ERCC6L2: variants seen among roughly 807,000 people sequenced by gnomAD.
ERCC6L2 encodes ERCC excision repair 6 like 2, also known as DNA excision repair protein ERCC-6-like 2.
A neutral mutation model predicts 132.0 loss-of-function variants in ERCC6L2; 77 were observed. The observed-to-expected ratio is 0.58, with a 90% CI of 0.49 to 0.71. The LOEUF (loss-of-function observed/expected upper bound fraction) is 0.71, where lower values mean the gene tolerates loss of function less well. Ranked by LOEUF, ERCC6L2 falls within the 30% of genes least tolerant of loss-of-function variation. ERCC6L2 has a pLI of 0.00. For missense variants in ERCC6L2, 1,542 were observed against 1,837.6 expected, an observed-to-expected ratio of 0.84 and a Z score of 2.94; for synonymous variants, 583 against 632.4, an observed-to-expected ratio of 0.92 and a Z score of 1.17.
chr9:95,950,687 T>C (rs2132946121), intron 12 of ERCC6L2, among the ~76,000 whole-genome samples: 1 of 152,294 alleles, frequency 6.6e-6, no homozygotes, highest in Non-Finnish European at 1.5e-5. Context: ...AGAACAGGAA[T>C]GGTTGTATTA....
intron 12 of ERCC6L2, among the ~76,000 whole-genome samples, chr9:95,949,581 T>C (rs113038427): frequency 1.3e-5 from 2 of 152,052 alleles, no homozygotes; most frequent in African/African-American, 4.8e-5. Flanking sequence ...ACAAACAAAC[T>C]GTCAACTGAG....
intron 1 of ERCC6L2, among the ~76,000 whole-genome samples, chr9:95,877,915 T>C (rs1480113296): frequency 1.3e-5 from 2 of 152,208 alleles, no homozygotes; most frequent in African/African-American, 4.8e-5. Flanking sequence ...GTACAAACTT[T>C]TCTTGGAAAG....
chr9:96,030,072 A>T (rs1384629532), intron 19 of ERCC6L2, among the ~76,000 whole-genome samples: 1 of 152,196 alleles, frequency 6.6e-6, no homozygotes, highest in East Asian at 1.9e-4. Flanking sequence ...TTTCTGTCTT[A>T]CAAGAGGATT....
At chr9:95,904,445 C>T (rs1424725354) in intron 3 of ERCC6L2, among the ~76,000 whole-genome samples, 1 of 152,044 alleles carries the variant, frequency 6.6e-6, no homozygotes, top group African/African-American at 2.4e-5. Context: ...AGGACGTAGA[C>T]TTTTTGATTG....
At chr9:95,904,052 T>A (rs189314964) in intron 3 of ERCC6L2, among the ~76,000 whole-genome samples, 35 of 152,168 alleles carry the variant, frequency 2.3e-4, no homozygotes, top group Admixed American at 1.8e-3. Context: ...AACTGCAGCA[T>A]ACTGAAGGAG....
Position 95,913,392 on chromosome 9 carries a change from G to C in ERCC6L2, c.789-2276G>C, listed in dbSNP as rs180722056. On this transcript the variant is annotated intron_variant, in intron 4 of 18. Coordinates refer to ENST00000653738, the MANE Select transcript of ERCC6L2 (RefSeq NM_020207.7). ...GACTAATTTTTGGAGTAAGAAGTTAGCATAATGGTCATCTACAATGGTGGC... is the reference window on the plus strand; with the variant it reads ...GACTAATTTTTGGAGTAAGAAGTTACCATAATGGTCATCTACAATGGTGGC... Among the ~76,000 whole-genome samples the C allele has an allele frequency of 4.6e-5, 7 of 152,208 alleles. No individual in the cohort carries two copies. In the East Asian group the frequency reaches 1.4e-3, roughly 29 times the overall value.
At chr9:96,009,174 G>A (rs1833951247) in intron 18 of ERCC6L2, among the ~76,000 whole-genome samples, 1 of 152,230 alleles carries the variant, frequency 6.6e-6, no homozygotes, top group Non-Finnish European at 1.5e-5. Context: ...ATGCTGTACA[G>A]CATGCTGCAT....
chr9:95,962,284 T>TATA (rs1329944816), intron 13 of ERCC6L2, among the ~76,000 whole-genome samples: 109 of 152,212 alleles, frequency 7.2e-4, no homozygotes, highest in African/African-American at 2.6e-3. Flanking sequence ...CTGTTCATTG[T>TATA]TGGTTGGGGC....
intron 17 of ERCC6L2, among the ~76,000 whole-genome samples, chr9:95,987,664 A>C (rs1353255370): frequency 6.6e-6 from 1 of 152,048 alleles, no homozygotes; most frequent in East Asian, 1.9e-4. Context: ...TGGCTTTTCC[A>C]GGTGCACAAT....
chr9:95,885,757 T>G (rs1827830542), intron 2 of ERCC6L2, among the ~76,000 whole-genome samples: 1 of 152,132 alleles, frequency 6.6e-6, no homozygotes, highest in Admixed American at 6.5e-5. Flanking sequence ...AGCATTAGTG[T>G]CACCTGGGAA....
At chr9:96,024,503 G>A (rs1271311087) in intron 19 of ERCC6L2, among the ~76,000 whole-genome samples, 2 of 152,176 alleles carry the variant, frequency 1.3e-5, no homozygotes, top group Non-Finnish European at 2.9e-5. Context: ...TGCTGTCCTC[G>A]GACCTCTCCA....
At chr9:95,953,158 A>G (rs78969247) in intron 12 of ERCC6L2, among the ~76,000 whole-genome samples, 19,754 of 152,208 alleles carry the variant, frequency 0.13, 1,353 homozygotes, top group South Asian at 0.24. Flanking sequence ...ATAGTTGCAT[A>G]ACAGTGTGGA....
rs1174395258 is a variant in ERCC6L2, at chr9:96,035,546, G to A, written c.*1504-3330G>A. ...AGAGTGGGGCAACCTGCCAGACAGA[G>A]AGGAGCTACCCTCTCCAGGGACTCC... On this transcript the variant is annotated intron_variant and NMD_transcript_variant, in intron 19 of 20. Transcript: ENST00000670016. Among the ~76,000 whole-genome samples, 4 of 152,146 alleles carry A rather than the reference G, an allele frequency of 2.6e-5. No homozygotes were observed. In the East Asian group the frequency reaches 7.7e-4, roughly 29 times the overall value.
At chr9:95,958,383 G>T (rs1464353326) in intron 13 of ERCC6L2, among the ~76,000 whole-genome samples, 1 of 152,108 alleles carries the variant, frequency 6.6e-6, no homozygotes, top group Non-Finnish European at 1.5e-5. Flanking sequence ...TAATGGGATG[G>T]CTGGGTCAAA....
At chr9:95,967,705 T>G (rs1832223756) in intron 14 of ERCC6L2, 1 of 152,200 alleles carries the variant, frequency 6.6e-6, no homozygotes, top group Admixed American at 6.6e-5. Flanking sequence ...TATTTTATAG[T>G]AACTATATTT....
At chr9:95,926,739 A>G (rs141245411) in intron 9 of ERCC6L2, among the ~76,000 whole-genome samples, 1 of 152,304 alleles carries the variant, frequency 6.6e-6, no homozygotes, top group Admixed American at 6.5e-5. Flanking sequence ...CCCGTGAACT[A>G]TGTAACACAA....
intron 14 of ERCC6L2, among the ~76,000 whole-genome samples, chr9:95,969,373 G>T (rs1439681533): frequency 6.6e-6 from 1 of 152,202 alleles, no homozygotes; most frequent in Non-Finnish European, 1.5e-5. Flanking sequence ...CAGTAATCCA[G>T]CTGAGAGATG....
intron 19 of ERCC6L2, among the ~76,000 whole-genome samples, chr9:96,026,370 C>T (rs1252852425): frequency 6.6e-6 from 1 of 152,132 alleles, no homozygotes; most frequent in African/African-American, 2.4e-5. Context: ...GGCCTGGTAG[C>T]CAGGGCGCGG....
rs561069169 is a variant in ERCC6L2, at chr9:95,990,564, G to A, written c.3492+12349G>A. ...GGATAGCTCCCTTGACCCCCTTCGC[G>A]GGCAGGAACTGGAGTGGCTCGTTTC... On this transcript the variant is annotated intron_variant, in intron 17 of 18. Transcript: ENST00000653738. Among the ~76,000 whole-genome samples, 8 of 152,282 alleles carry A rather than the reference G, an allele frequency of 5.3e-5. No homozygotes were observed. The East Asian group carries it at 9.7e-4, about 18-fold the overall frequency.
Sources: allele counts gnomAD v4.1 joint callset (sites outside exome capture counted in the v4.1 genomes callset), GRCh38; gene constraint gnomAD v4.1.1; transcripts MANE v1.5; gene names NCBI Gene and HGNC (gene_info 2026-07-23, HGNC 2026-07-21).